The following APLP1 variants were observed in gnomAD, a reference collection of about 807,000 sequenced individuals.
APLP1 encodes amyloid beta precursor like protein 1.
Under a neutral mutation model 84.5 loss-of-function variants are expected in APLP1, and 46 were observed. The ratio of observed to expected loss-of-function variants is 0.54; its 90% confidence interval spans 0.43 to 0.70. The LOEUF is 0.70. Ranked by LOEUF, APLP1 falls within the 30% of genes least tolerant of loss-of-function variation. The pLI, the probability that APLP1 is intolerant of heterozygous loss-of-function variation, is 0.00. For synonymous variants in APLP1, 376 were observed against 364.0 expected, an observed-to-expected ratio of 1.03 and a Z score of -0.38; for missense variants, 826 against 900.2, an observed-to-expected ratio of 0.92 and a Z score of 1.05.
chr19:35,879,673 T>C lies in APLP1; in HGVS notation c.*232T>C, dbSNP rs1599585501. The C allele has an allele frequency of 1.8e-6, 1 of 551,652 alleles. No homozygotes were observed. The highest frequency in any genetic ancestry group is 1.9e-5 in the African/African-American group (1 of 52,262). The allele number at this position is 551,652 out of a possible 1,614,324, so 34.2% of individuals were successfully genotyped here. On this transcript the variant is annotated 3_prime_UTR_variant, in exon 17 of 17. Transcript: ENST00000221891. ...GTGGCACCTCCTCACCTTAATTTAT[T>C]TTTTAAGTTTATTTATGGCTCTTTA... is the stretch of plus-strand genomic sequence containing the variant.
intron 11 of APLP1, among the ~76,000 whole-genome samples, chr19:35,876,911 G>A (rs16970735): frequency 0.11 from 16,201 of 152,132 alleles, 1,735 homozygotes; most frequent in African/African-American, 0.28. Flanking sequence ...CCAAGGAAGC[G>A]CAAGGCCTCT....
Position 35,870,980 on chromosome 19 carries a change from G to A in APLP1, c.376G>A (p.Gly126Ser). 6.4e-7 allele frequency: 1 copy of A among 1,567,002 alleles called. No homozygotes were observed. The highest frequency in any genetic ancestry group is 1.3e-5 in the African/African-American group (1 of 74,114). The change falls in exon 3 of 17, where the codon GGC becomes AGC. Residue 126 changes from glycine to serine, a missense_variant. Gly to Ser is a moderately conservative substitution (Grantham distance 56). This residue lies in a region of APLP1 where 383 missense variants were observed against 378.3 expected (regional missense o/e 1.01). Transcript: ENST00000221891. The part of the protein sequence containing the change: ...MERWCGGSRS[G>S]SCAHPHHQVV... ...GCGCTGGTGCGGGGGTTCCCGGAGC[G>A]GCAGCTGCGCCCACCCCCACCACCA... is the stretch of plus-strand genomic sequence containing the variant.
rs891891370 is a variant in APLP1 at position 35,877,918 on chromosome 19, C to T, written c.1552+93C>T. ...CTAGAGTCTGAGGGTGTCTTCACCA[C>T]CACAGTGACTGGGAGAGGATGAGGA... On this transcript the variant is annotated intron_variant, in intron 12 of 16. Coordinates refer to ENST00000221891, the MANE Select transcript of APLP1 (RefSeq NM_001024807.3). The T allele has an allele frequency of 9.9e-6, 13 of 1,316,718 alleles. No homozygotes were observed. In the African/African-American group the frequency reaches 1.8e-4, roughly 18 times the overall value. 81.6% of individuals were successfully genotyped at this position (1,316,718 alleles called of 1,614,324 possible). A position where few individuals can be genotyped will look rare whatever the true frequency, so the allele number is the denominator to read the frequency against.
In APLP1 at chr19:35,874,246, T is replaced by C. The variant is rs1466514899; in HGVS notation, c.1057-258T>C. ...GGCTTTGTCCCTTTCACCTTAACAT[T>C]GGTCAGTTCTGCTCCCAGATTGCTC... is the stretch of plus-strand genomic sequence containing the variant. On this transcript the variant is annotated intron_variant, in intron 8 of 16. Transcript: ENST00000221891. This position sits in a 1 kb window ranked among gnomAD's most constrained non-coding sequence, Gnocchi z 6.4. 6.6e-6 allele frequency among the ~76,000 whole-genome samples: 1 copy of C among 152,124 alleles called. No homozygotes were observed. Among genetic ancestry groups the C allele is most frequent in the Non-Finnish European group, 1.5e-5 (1 of 68,018 alleles).
At chr19:35,876,442 T>A (rs1402860654) in intron 10 of APLP1, 75 bp from the exon 11 acceptor site, 23 of 1,300,470 alleles carry the variant, frequency 1.8e-5, no homozygotes, top group Admixed American at 3.4e-5. Context: ...ATTGAATTCC[T>A]CCTTCATACT....
Position 35,879,420 on chromosome 19 carries a change from C to T in APLP1, c.1935C>T (p.Arg645=), listed in dbSNP as rs1406137501. Reference sequence around the variant, plus strand: ...ACGGCTATGAGAACCCCACTTACCGCTTCCTGGAGGAACGACCCTGACCCG... The same window carrying T: ...ACGGCTATGAGAACCCCACTTACCGTTTCCTGGAGGAACGACCCTGACCCG... ...QRHGYENPTY[R]FLEERP The change falls in exon 17 of 17, where the codon CGC becomes CGT. Residue 645 remains arginine (R), a synonymous_variant. Transcript: ENST00000221891. The T allele has an allele frequency of 1.2e-6, 2 of 1,613,584 alleles. No individual in the cohort carries two copies. Among genetic ancestry groups the T allele is most frequent in the South Asian group, 2.2e-5 (2 of 91,064 alleles).
At chr19:35,878,738 G>A in intron 14 of APLP1, 84 bp downstream of exon 14, 1 of 1,560,806 alleles carries the variant, frequency 6.4e-7, no homozygotes, top group Non-Finnish European at 8.8e-7. Context: ...GATGCTGGGG[G>A]CTTGGATTCC....
At position 35,879,401 on chromosome 19, in the gene APLP1, A is replaced by C. The variant is rs1483187521; in HGVS notation, c.1916A>C (p.Tyr639Ser). 5.0e-6 allele frequency: 8 copies of C among 1,613,654 alleles called. No homozygotes were observed. In the South Asian group the frequency reaches 7.7e-5, roughly 16 times the overall value. ...QQLRELQRHGYENPTYRFLEE... is the reference protein window; with the variant it reads ...QQLRELQRHGSENPTYRFLEE... ...CTCCGCGAACTGCAGCGGCACGGCTATGAGAACCCCACTTACCGCTTCCTG... is the reference window on the plus strand; with the variant it reads ...CTCCGCGAACTGCAGCGGCACGGCTCTGAGAACCCCACTTACCGCTTCCTG... Residue 639 changes from tyrosine to serine, a missense_variant, in exon 17 of 17, where the codon TAT becomes TCT. Tyr to Ser is a moderately radical substitution (Grantham distance 144, BLOSUM62 -2). Around this residue, in one of 3 missense-constraint regions of APLP1, gnomAD observed 433 missense variants for 496.5 expected, o/e 0.87. Transcript: ENST00000221891.
At position 35,873,711 on chromosome 19, in the gene APLP1, G is replaced by A. The variant is rs749338444; in HGVS notation, c.1054G>A (p.Glu352Lys). The change falls in exon 8 of 17, where the codon GAG becomes AAG. Residue 352 changes from glutamate (E) to lysine (K), a missense_variant and splice_region_variant. This residue lies in a region of APLP1 where 433 missense variants were observed against 496.5 expected (regional missense o/e 0.87). Transcript: ENST00000221891. The stretch of plus-strand genomic sequence containing the variant: ...TAAAGCCGACAGACAGGCCCTGAAT[G>A]AGGTAGGACAGCCCCAGTGGGTCCT... ...LPKADRQALN[E>K]HFQSILQTLE... 8 of 1,613,928 alleles carry A rather than the reference G, an allele frequency of 5.0e-6. No individual in the cohort carries two copies. Among genetic ancestry groups the A allele is most frequent in the Non-Finnish European group, 6.8e-6 (8 of 1,179,932 alleles).
At position 35,874,576 on chromosome 19, in the gene APLP1, G is replaced by A. The variant is rs765779897; in HGVS notation, c.1129G>A (p.Ala377Thr). The change falls in exon 9 of 17, where the codon GCC becomes ACC. Residue 377 changes from alanine (A) to threonine (T), a missense_variant. By Grantham distance (58) the Ala-to-Thr change is moderately conservative. Transcript: ENST00000221891. The surrounding 1 kb of genome is among the most constrained non-coding windows in gnomAD (Gnocchi z 6.4). ...GCGACAGCGCCTGGTGGAAACCCAC[G>A]CCACCCGCGTCATCGCCCTTATCAA... is the stretch of plus-strand genomic sequence containing the variant. ...GERQRLVETH[A>T]TRVIALINDQ... 15 of 1,614,152 alleles carry A rather than the reference G, an allele frequency of 9.3e-6. No individual in the cohort carries two copies. Among genetic ancestry groups the A allele is most frequent in the Middle Eastern group, 1.6e-4 (1 of 6,062 alleles).
intron 13 of APLP1, among the ~76,000 whole-genome samples, chr19:35,878,366 T>C (rs1235590903): frequency 6.6e-6 from 1 of 152,002 alleles, no homozygotes; most frequent in Non-Finnish European, 1.5e-5. Flanking sequence ...GGCAACATAA[T>C]GAGACCCTGT....
At chr19:35,873,512 G>T in intron 7 of APLP1, 127 bp from the exon 8 acceptor site, 3 of 869,964 alleles carry the variant, frequency 3.4e-6, no homozygotes, top group Non-Finnish European at 5.6e-6. Context: ...CTCCCAAAGT[G>T]CTGGGATTAC....
At position 35,874,384 on chromosome 19, in the gene APLP1, C is replaced by A; in HGVS notation, c.1057-120C>A. The A allele has an allele frequency of 7.9e-7, 1 of 1,260,072 alleles. No homozygotes were observed. Among genetic ancestry groups the A allele is most frequent in the Non-Finnish European group, 1.1e-6 (1 of 892,594 alleles). 78.1% of individuals were successfully genotyped at this position (1,260,072 alleles called of 1,614,324 possible). The stretch of plus-strand genomic sequence containing the variant: ...TTCCAGTCCATAACCTTTGGTTCTG[C>A]CCAGGCCTGGACCCCTGGAACGCCC... On this transcript the variant is annotated intron_variant, in intron 8 of 16. Transcript: ENST00000221891. The surrounding 1 kb of genome is among the most constrained non-coding windows in gnomAD (Gnocchi z 6.4).
intron 1 of APLP1, chr19:35,869,317 A>C: frequency 1.9e-6 from 1 of 534,424 alleles, no homozygotes; most frequent in East Asian, 3.5e-5. Flanking sequence ...TGAGCAAGGG[A>C]TGGAGGGAGG....
At chr19:35,877,287 G>A (rs1475809633) in intron 11 of APLP1, among the ~76,000 whole-genome samples, 1 of 151,908 alleles carries the variant, frequency 6.6e-6, no homozygotes, top group African/African-American at 2.4e-5. Flanking sequence ...TCAGGAGTTC[G>A]AGACCAGCCT....
intron 4 of APLP1, 62 bp downstream of exon 4, chr19:35,871,411 C>T (rs1332210739): frequency 8.9e-6 from 13 of 1,462,754 alleles, no homozygotes; most frequent in South Asian, 8.4e-5. Context: ...CCTCTAACAC[C>T]CTCCGCCACC....
chr19:35,868,693 G>A lies in APLP1; in HGVS notation c.57G>A (p.Pro19=). 7.1e-7 allele frequency: 1 copy of A among 1,412,062 alleles called. No individual in the cohort carries two copies. The highest frequency in any genetic ancestry group is 1.5e-5 in the South Asian group (1 of 67,812). 87.5% of individuals were successfully genotyped at this position (1,412,062 alleles called of 1,614,324 possible). The change falls in exon 1 of 17, where the codon CCG becomes CCA. Residue 19 remains proline (P), a synonymous_variant. Coordinates refer to ENST00000221891, the MANE Select transcript of APLP1 (RefSeq NM_001024807.3). This position sits in a 1 kb window ranked among gnomAD's most constrained non-coding sequence, Gnocchi z 5.2. ...TAAGTCGCCGCCCGGGCCAGCCGCC[G>A]CTGCCGCTGCTGCTGCCACTATTGC... ...RGLSRRPGQP[P]LPLLLPLLLL...
Position 35,873,657 on chromosome 19 carries a change from A to T in APLP1, c.1000A>T (p.Met334Leu). ...TATGCAGGTGATGCGTGAATGGGCCATGGCAGACAACCAGTCCAAGAACCT... is the reference window on the plus strand; with the variant it reads ...TATGCAGGTGATGCGTGAATGGGCCTTGGCAGACAACCAGTCCAAGAACCT... ...QINEVMREWA[M>L]ADNQSKNLPK... is the part of the protein sequence containing the mutation. The change falls in exon 8 of 17, where the codon ATG becomes TTG. Residue 334 changes from methionine (M) to leucine (L), a missense_variant. Physicochemically the swap from Met to Leu is conservative, Grantham distance 15. This residue lies in a region of APLP1 where 433 missense variants were observed against 496.5 expected (regional missense o/e 0.87). Transcript: ENST00000221891. 1 of 1,614,140 alleles carries T rather than the reference A, an allele frequency of 6.2e-7. No homozygotes were observed. Among genetic ancestry groups the T allele is most frequent in the Non-Finnish European group, 8.5e-7 (1 of 1,180,020 alleles).
At position 35,878,668 on chromosome 19, in the gene APLP1, A is replaced by G; in HGVS notation, c.1650+14A>G. 6.2e-7 allele frequency: 1 copy of G among 1,614,038 alleles called. No homozygotes were observed. The highest frequency in any genetic ancestry group is 8.5e-7 in the Non-Finnish European group (1 of 1,179,950). ...TATGAGCGAAAGGTAAGTTAGTCAGAACTGTGGGCTCCCTAAGGGGAACAA... is the reference window on the plus strand; with the variant it reads ...TATGAGCGAAAGGTAAGTTAGTCAGGACTGTGGGCTCCCTAAGGGGAACAA... On this transcript the variant is annotated intron_variant, in intron 14 of 16. Transcript: ENST00000221891.
Sources: allele counts gnomAD v4.1 joint callset (sites outside exome capture counted in the v4.1 genomes callset), GRCh38; gene constraint gnomAD v4.1.1; regional missense constraint gnomAD v4.1.1; non-coding constraint Gnocchi (gnomAD v3.1); transcripts MANE v1.5; gene names NCBI Gene and HGNC (gene_info 2026-07-23, HGNC 2026-07-21).